The following SLC16A14 variants were observed in gnomAD, a reference collection of about 807,000 sequenced individuals.
SLC16A14 encodes the protein solute carrier family 16 member 14.
In SLC16A14, 14 loss-of-function variants were observed where a neutral mutation model predicts 35.8. That is an observed-to-expected ratio of 0.39 (90% CI 0.26 to 0.61). The LOEUF is 0.61. SLC16A14 is among the 20% of genes least tolerant of loss of function. SLC16A14 has a pLI of 0.51. For synonymous variants in SLC16A14, 248 were observed against 258.9 expected (o/e 0.96, Z 0.40); for missense variants, 533 against 655.0 (o/e 0.81, Z 2.03).
intron 1 of SLC16A14, among the ~76,000 whole-genome samples, chr2:230,061,480 A>T (rs2077751508): frequency 6.6e-6 from 1 of 152,118 alleles, no homozygotes; most frequent in African/African-American, 2.4e-5. Context: ...CACTTGGCAA[A>T]ATCCACACCC....
chr2:230,068,225 G>A lies in SLC16A14; in HGVS notation c.-15+330C>T, dbSNP rs543880353. The A allele has an allele frequency of 1.4e-4, 22 of 152,580 alleles. No homozygotes were observed. The highest frequency in any genetic ancestry group is 3.8e-4 in the African/African-American group (16 of 41,580). 9.5% of individuals were successfully genotyped at this position (152,580 alleles called of 1,614,324 possible). On this transcript the variant is annotated intron_variant, in intron 1 of 4. Transcript: ENST00000295190. The surrounding 1 kb of genome is among the most constrained non-coding windows in gnomAD (Gnocchi z 5.1). Reference sequence around the variant, plus strand: ...AGAACGCGCTTCTCCAGCCGGACGGGGGTGCCCAGGATGACGCTCGCGGGG... The same window carrying A: ...AGAACGCGCTTCTCCAGCCGGACGGAGGTGCCCAGGATGACGCTCGCGGGG...
chr2:230,046,774 T>C lies in SLC16A14; in HGVS notation c.404-52A>G, dbSNP rs1380106931. On this transcript the variant is annotated intron_variant, in intron 3 of 4. Transcript: ENST00000295190. The surrounding 1 kb of genome is among the most constrained non-coding windows in gnomAD (Gnocchi z 5.0). ...AGACACAGTGCAACATCAGTGGCCA[T>C]ATCCAGAATTCGCAGCAAAGATCAC... is the stretch of plus-strand genomic sequence containing the variant. 2.0e-6 allele frequency: 3 copies of C among 1,519,602 alleles called. No individual in the cohort carries two copies. Among genetic ancestry groups the C allele is most frequent in the African/African-American group, 2.8e-5 (2 of 72,442 alleles). The allele number at this position is 1,519,602 out of a possible 1,614,324, so 94.1% of individuals were successfully genotyped here.
At chr2:230,056,009 A>G (rs1240362008) in intron 2 of SLC16A14, among the ~76,000 whole-genome samples, 1 of 152,274 alleles carries the variant, frequency 6.6e-6, no homozygotes, top group Non-Finnish European at 1.5e-5. Context: ...TATGACAAAC[A>G]GTCCTAGTTT....
In SLC16A14 at chr2:230,035,852, A is replaced by C. The variant is rs2077515246; in HGVS notation, c.*1528T>G. On this transcript the variant is annotated 3_prime_UTR_variant, in exon 5 of 5. Coordinates refer to ENST00000295190, the MANE Select transcript of SLC16A14 (RefSeq NM_152527.5). ...AGGAAATAATGGAGATGGAACAAAA[A>C]GAGAACTTGTCCATTGAATCACTTG... is the stretch of plus-strand genomic sequence containing the variant. 6.6e-6 allele frequency: 1 copy of C among 152,358 alleles called. No homozygotes were observed. Among genetic ancestry groups the C allele is most frequent in the Non-Finnish European group, 1.5e-5 (1 of 68,046 alleles). 9.4% of individuals were successfully genotyped at this position (152,358 alleles called of 1,614,324 possible). A position where few individuals can be genotyped will look rare whatever the true frequency, so the allele number is the denominator to read the frequency against.
At chr2:230,049,628 G>T (rs1490078200) in intron 3 of SLC16A14, 133 bp downstream of exon 3, 3 of 891,416 alleles carry the variant, frequency 3.4e-6, no homozygotes, top group African/African-American at 3.4e-5. Flanking sequence ...GTGTAGGGAG[G>T]GGTTGGGGTG....
chr2:230,057,457 G>C (rs539615651), intron 2 of SLC16A14, among the ~76,000 whole-genome samples: 2 of 152,108 alleles, frequency 1.3e-5, no homozygotes, highest in African/African-American at 4.8e-5. Context: ...ATGTTCCCAT[G>C]TTAAACAATT....
chr2:230,046,644 T>G lies in SLC16A14; in HGVS notation c.482A>C (p.Gln161Pro), dbSNP rs1180279875. 1 of 1,609,492 alleles carries G rather than the reference T, an allele frequency of 6.2e-7. No homozygotes were observed. Among genetic ancestry groups the G allele is most frequent in the Non-Finnish European group, 8.5e-7 (1 of 1,180,030 alleles). The change falls in exon 4 of 5, where the codon CAG becomes CCG. Residue 161 changes from glutamine (Q) to proline (P), a missense_variant. Coordinates refer to ENST00000295190, the MANE Select transcript of SLC16A14 (RefSeq NM_152527.5). The surrounding 1 kb of genome is among the most constrained non-coding windows in gnomAD (Gnocchi z 5.0). ...RYFQKRRALAQGLSTTGTGFG... is the reference protein window; with the variant it reads ...RYFQKRRALAPGLSTTGTGFG... Reference sequence around the variant, plus strand: ...TCCGGTCCCCGTGGTGCTGAGGCCCTGGGCGAGGGCGCGTCTCTTCTGGAA... The same window carrying G: ...TCCGGTCCCCGTGGTGCTGAGGCCCGGGGCGAGGGCGCGTCTCTTCTGGAA...
chr2:230,067,801 C>G (rs1263755185), intron 1 of SLC16A14, among the ~76,000 whole-genome samples: 1 of 152,224 alleles, frequency 6.6e-6, no homozygotes, highest in Admixed American at 6.5e-5. Flanking sequence ...TCCCCGGTCT[C>G]TCACCCCATT....
At chr2:230,064,852 A>G (rs1357270723) in intron 1 of SLC16A14, among the ~76,000 whole-genome samples, 6 of 152,026 alleles carry the variant, frequency 3.9e-5, no homozygotes, top group Non-Finnish European at 8.8e-5. Flanking sequence ...CTCTACTAAA[A>G]CTACAAAATT....
chr2:230,037,170 T>C lies in SLC16A14; in HGVS notation c.*210A>G, dbSNP rs900191290. 1 of 376,596 alleles carries C rather than the reference T, an allele frequency of 2.7e-6. No homozygotes were observed. The highest frequency in any genetic ancestry group is 6.9e-5 in the South Asian group (1 of 14,512). 23.3% of individuals were successfully genotyped at this position (376,596 alleles called of 1,614,324 possible). ...GAACAACACTGTCATCTCTAGAATG[T>C]ATGTAGTCCTTAAGATCTTCCAGCA... is the stretch of plus-strand genomic sequence containing the variant. On this transcript the variant is annotated 3_prime_UTR_variant, in exon 5 of 5. Transcript: ENST00000295190.
At chr2:230,044,718 GTGTGTGTGTGTGTGTGTGTA>G (rs779726201) in intron 4 of SLC16A14, among the ~76,000 whole-genome samples, 2,752 of 118,766 alleles carry the variant, frequency 0.023, 58 homozygotes, top group Non-Finnish European at 0.036. Context: ...GTGTGTGTGT[GTGTGTGTGTGTGTGTGTGTA>G]TGTGTGTGTG....
In SLC16A14 at chr2:230,048,943, A is replaced by AG. The variant is rs1553819303; in HGVS notation, c.403+817_403+818insC. ...CATCTCAAAAAAAAAAAAAAAAAAA[A>AG]AACAAATGATTATTAAAGAGTAAAT... is the stretch of plus-strand genomic sequence containing the variant. On this transcript the variant is annotated intron_variant, in intron 3 of 4. Coordinates refer to ENST00000295190, the MANE Select transcript of SLC16A14 (RefSeq NM_152527.5). Among the ~76,000 whole-genome samples, 165 of 107,282 alleles carry AG rather than the reference A, an allele frequency of 1.5e-3. 35 individuals carry two copies. Among genetic ancestry groups the AG allele is most frequent in the African/African-American group, 5.5e-3 (153 of 28,052 alleles). The allele number at this position is 107,282 out of a possible 152,430, so 70.4% of individuals were successfully genotyped here. A position where few individuals can be genotyped will look rare whatever the true frequency, so the allele number is the denominator to read the frequency against.
intron 4 of SLC16A14, among the ~76,000 whole-genome samples, chr2:230,045,356 A>G (rs13410449): frequency 0.063 from 9,542 of 152,260 alleles, 1,032 homozygotes; most frequent in African/African-American, 0.22. Flanking sequence ...TCAGAAGTTC[A>G]AGGCCATCCT....
chr2:230,063,352 A>G (rs1489476125), intron 1 of SLC16A14, among the ~76,000 whole-genome samples: 2 of 149,716 alleles, frequency 1.3e-5, no homozygotes, highest in Admixed American at 1.3e-4. Flanking sequence ...ATTAGGATGG[A>G]GTCCCTTCAG....
intron 2 of SLC16A14, among the ~76,000 whole-genome samples, chr2:230,058,534 C>T (rs1250319486): frequency 2.0e-5 from 3 of 151,712 alleles, no homozygotes; most frequent in Non-Finnish European, 2.9e-5. Context: ...ATACAGTTTC[C>T]GTTTGGGAAG....
chr2:230,055,402 C>T (rs1042884927), intron 2 of SLC16A14, among the ~76,000 whole-genome samples: 1 of 152,132 alleles, frequency 6.6e-6, no homozygotes, highest in Non-Finnish European at 1.5e-5. Context: ...GAATAAAAGA[C>T]CTTTCATTTA....
intron 1 of SLC16A14, among the ~76,000 whole-genome samples, chr2:230,060,032 C>T (rs1230145887): frequency 6.6e-6 from 1 of 152,162 alleles, no homozygotes; most frequent in African/African-American, 2.4e-5. Flanking sequence ...CCCCTCCACC[C>T]AACCCCATTC....
chr2:230,067,571 T>TCTCTCTCTCTCTCTCTCTCACA (rs1269765776), intron 1 of SLC16A14, among the ~76,000 whole-genome samples: 1 of 143,830 alleles, frequency 7.0e-6, no homozygotes, highest in African/African-American at 2.8e-5. Flanking sequence ...TCTCTCTCTC[T>TCTCTCTCTCTCTCTCTCTCACA]CACACACACA....
In SLC16A14 at chr2:230,044,473, G is replaced by A. The variant is rs973370974; in HGVS notation, c.1381+1272C>T. On this transcript the variant is annotated intron_variant, in intron 4 of 4. Transcript: ENST00000295190. The stretch of plus-strand genomic sequence containing the variant: ...AGCTTGGGTGACAGAGGGAGATTCC[G>A]TCTCAAAAAAAAAAAAAAGTGAAAG... 6.2e-4 allele frequency among the ~76,000 whole-genome samples: 35 copies of A among 56,462 alleles called. No individual in the cohort carries two copies. In the East Asian group the frequency reaches 0.013, roughly 21 times the overall value. The allele number at this position is 56,462 out of a possible 152,430, so 37.0% of individuals were successfully genotyped here. A position where few individuals can be genotyped will look rare whatever the true frequency, so the allele number is the denominator to read the frequency against.
Sources: allele counts gnomAD v4.1 joint callset (sites outside exome capture counted in the v4.1 genomes callset), GRCh38; gene constraint gnomAD v4.1.1; non-coding constraint Gnocchi (gnomAD v3.1); transcripts MANE v1.5; gene names NCBI Gene and HGNC (gene_info 2026-07-23, HGNC 2026-07-21).